BOD1L1: variants seen among roughly 807,000 people sequenced by gnomAD.
BOD1L1 encodes the protein biorientation of chromosomes in cell division protein 1-like 1.
BOD1L1 carries 86 observed loss-of-function variants against 240.7 expected under a neutral mutation model. The ratio of observed to expected loss-of-function variants is 0.36; its 90% confidence interval spans 0.30 to 0.43. BOD1L1 has a LOEUF of 0.43. BOD1L1 is among the 20% of genes least tolerant of loss of function. BOD1L1 has a pLI of 1.00. For synonymous variants in BOD1L1, 1,268 were observed against 1,272.3 expected, an observed-to-expected ratio of 1.00 and a Z score of 0.07; for missense variants, 3,554 against 3,643.5, an observed-to-expected ratio of 0.98 and a Z score of 0.63.
In BOD1L1 at chr4:13,627,554, G is replaced by A. The variant is rs1344334292; in HGVS notation, c.34C>T (p.Pro12Ser). 8.8e-7 allele frequency: 1 copy of A among 1,135,510 alleles called. No homozygotes were observed. Among genetic ancestry groups the A allele is most frequent in the Admixed American group, 5.0e-5 (1 of 20,146 alleles). 70.3% of individuals were successfully genotyped at this position (1,135,510 alleles called of 1,614,324 possible). A position where few individuals can be genotyped will look rare whatever the true frequency, so the allele number is the denominator to read the frequency against. The change falls in exon 1 of 26, where the codon CCG (proline) becomes TCG (serine). Residue 12 changes from proline (P) to serine (S), a missense_variant. This residue lies in a region of BOD1L1 where 161 missense variants were observed against 216.4 expected (regional missense o/e 0.74). Coordinates refer to ENST00000040738, the MANE Select transcript of BOD1L1 (RefSeq NM_148894.3). ...TGCGGCGGGGGAGGCGGCGGCGCCG[G>A]AGGAGGCGGCTGCGGCTGTGGGTTG... The part of the protein sequence containing the change: ...ATNPQPQPPP[P>S]APPPPPPQPQ...
chr4:13,601,053 A>C lies in BOD1L1; in HGVS notation c.5847T>G (p.Ser1949Arg), dbSNP rs1715107863. ...CACTGCTTTCTACAATCCCTTTTGC[A>C]CTGGAGCAGATATCTGTGTCTTTAC... The part of the protein sequence containing the change: ...KGSKDTDICS[S>R]AKGIVESSVT... The change falls in exon 10 of 26, where the codon AGT (serine) becomes AGG (arginine). Residue 1949 changes from serine to arginine, a missense_variant. Ser to Arg is a moderately radical substitution (Grantham distance 110). Around this residue, in one of 2 missense-constraint regions of BOD1L1, gnomAD observed 3,393 missense variants for 3,427.1 expected, o/e 0.99. Coordinates refer to ENST00000040738, the MANE Select transcript of BOD1L1 (RefSeq NM_148894.3). 1 of 1,613,810 alleles carries C rather than the reference A, an allele frequency of 6.2e-7. No individual in the cohort carries two copies. The highest frequency in any genetic ancestry group is 1.3e-5 in the African/African-American group (1 of 74,902).
intron 12 of BOD1L1, among the ~76,000 whole-genome samples, chr4:13,594,152 T>C (rs942453702): frequency 3.9e-5 from 6 of 152,122 alleles, no homozygotes; most frequent in African/African-American, 1.5e-4. Flanking sequence ...TTTTTCAGTT[T>C]TGTGAGCTAA....
chr4:13,571,431 A>G (rs1712197821), intron 25 of BOD1L1, among the ~76,000 whole-genome samples: 1 of 152,254 alleles, frequency 6.6e-6, no homozygotes, highest in African/African-American at 2.4e-5. Flanking sequence ...TGTGTTGACA[A>G]TGACTGAAAA....
At position 13,602,162 on chromosome 4, in the gene BOD1L1, C is replaced by T. The variant is rs776561722; in HGVS notation, c.4738G>A (p.Ala1580Thr). Residue 1580 changes from alanine (A) to threonine (T), a missense_variant, in exon 10 of 26, where the codon GCC becomes ACC. Around this residue, in one of 2 missense-constraint regions of BOD1L1, gnomAD observed 3,393 missense variants for 3,427.1 expected, o/e 0.99. Coordinates refer to ENST00000040738, the MANE Select transcript of BOD1L1 (RefSeq NM_148894.3). ...GCAGCAAAAACAGTGCATTCACTGG[C>T]TTCTGCACCAACATGAAGAGGATTA... is the stretch of plus-strand genomic sequence containing the variant. ...RNNPLHVGAE[A>T]SECTVFAAAE... 2 of 1,613,970 alleles carry T rather than the reference C, an allele frequency of 1.2e-6. No homozygotes were observed. Among genetic ancestry groups the T allele is most frequent in the South Asian group, 2.2e-5 (2 of 91,078 alleles).
intron 25 of BOD1L1, among the ~76,000 whole-genome samples, chr4:13,573,970 C>A (rs989756552): frequency 6.6e-6 from 1 of 152,206 alleles, no homozygotes; most frequent in African/African-American, 2.4e-5. Context: ...AGCCACTGCG[C>A]CCAGCTGCAC....
chr4:13,597,931 G>C (rs973263531), intron 10 of BOD1L1, among the ~76,000 whole-genome samples: 2 of 152,230 alleles, frequency 1.3e-5, no homozygotes, highest in African/African-American at 4.8e-5. Flanking sequence ...GACTGGGTTA[G>C]ATGATGGCTA....
At chr4:13,575,309 A>C (rs1407036203) in intron 25 of BOD1L1, among the ~76,000 whole-genome samples, 1 of 152,172 alleles carries the variant, frequency 6.6e-6, no homozygotes, top group East Asian at 1.9e-4. Context: ...CTTTTTGATC[A>C]ATCTTGAATA....
intron 13 of BOD1L1, 51 bp from the exon 14 acceptor site, chr4:13,590,497 A>T: frequency 1.0e-6 from 1 of 953,148 alleles, no homozygotes; most frequent in Non-Finnish European, 1.5e-6. Flanking sequence ...AAAAATTTAA[A>T]GGCAAAAAGA....
At chr4:13,586,884 A>G (rs1411323291) in intron 16 of BOD1L1, among the ~76,000 whole-genome samples, 1 of 152,214 alleles carries the variant, frequency 6.6e-6, no homozygotes, top group African/African-American at 2.4e-5. Context: ...TAATCTCTTT[A>G]TCTATAAGAT....
intron 1 of BOD1L1, among the ~76,000 whole-genome samples, chr4:13,622,095 C>G (rs1261834076): frequency 6.6e-6 from 1 of 152,086 alleles, no homozygotes; most frequent in Non-Finnish European, 1.5e-5. Context: ...GAACTCCTAA[C>G]CTCAAGTGAT....
intron 15 of BOD1L1, among the ~76,000 whole-genome samples, chr4:13,588,194 A>G (rs1713875525): frequency 6.6e-6 from 1 of 151,802 alleles, no homozygotes; most frequent in African/African-American, 2.4e-5. Context: ...TCAAAAAAAA[A>G]AAAAAAAAGA....
At chr4:13,577,790 T>C in intron 22 of BOD1L1, 159 bp from the exon 23 acceptor site, 1 of 532,024 alleles carries the variant, frequency 1.9e-6, no homozygotes, top group South Asian at 3.0e-5. Flanking sequence ...TCAGAATACC[T>C]AGCAGAGATC....
In BOD1L1 at chr4:13,600,094, G is replaced by C. The variant is rs763530950; in HGVS notation, c.6806C>G (p.Ser2269Cys). Residue 2269 changes from serine (S) to cysteine (C), a missense_variant, in exon 10 of 26, where the codon TCC becomes TGC. Ser to Cys is a moderately radical substitution (Grantham distance 112, BLOSUM62 -1). Transcript: ENST00000040738. ...SSVEDCEGPVSSAVPQEEGDP... is the reference protein window; with the variant it reads ...SSVEDCEGPVCSAVPQEEGDP... Reference sequence around the variant, plus strand: ...GCCTTCCTCTTGAGGGACAGCACTGGACACTGGGCCCTCACAGTCTTCCAC... The same window carrying C: ...GCCTTCCTCTTGAGGGACAGCACTGCACACTGGGCCCTCACAGTCTTCCAC... The C allele has an allele frequency of 6.2e-7, 1 of 1,613,730 alleles. No individual in the cohort carries two copies. The highest frequency in any genetic ancestry group is 1.1e-5 in the South Asian group (1 of 91,026).
chr4:13,626,048 A>C (rs1717359696), intron 1 of BOD1L1: 1 of 152,264 alleles, frequency 6.6e-6, no homozygotes, highest in Non-Finnish European at 1.5e-5. Context: ...ACAACTAAAC[A>C]TACTATGAGA....
chr4:13,587,727 C>A lies in BOD1L1; in HGVS notation c.8325G>T (p.Gln2775His). 1 of 1,560,280 alleles carries A rather than the reference C, an allele frequency of 6.4e-7. No homozygotes were observed. The highest frequency in any genetic ancestry group is 1.2e-5 in the South Asian group (1 of 84,818). ...GTTCATCTTCTGAAGAGAGATAATG[C>A]TGCTTTCTTTTTCTTTTAGGCATAT... ...ERHMPKRKRKQHYLSSEDEPD... is the reference protein window; with the variant it reads ...ERHMPKRKRKHHYLSSEDEPD... The change falls in exon 16 of 26, where the codon CAG becomes CAT. Residue 2775 changes from glutamine (Q) to histidine (H), a missense_variant. Physicochemically the swap from Gln to His is conservative, Grantham distance 24. Transcript: ENST00000040738.
intron 13 of BOD1L1, among the ~76,000 whole-genome samples, chr4:13,590,760 T>G (rs1485542693): frequency 6.6e-6 from 1 of 152,324 alleles, no homozygotes; most frequent in South Asian, 2.1e-4. Context: ...AAATCCTGCA[T>G]GATTTTCTTT....
chr4:13,575,895 CTTTTTTTTTTTT>C (rs35101769), intron 25 of BOD1L1, among the ~76,000 whole-genome samples: 3 of 119,256 alleles, frequency 2.5e-5, no homozygotes, highest in East Asian at 2.5e-4. Flanking sequence ...TTGCCAAACC[CTTTTTTTTTTTT>C]TTTTTTTTTT....
chr4:13,577,161 T>C (rs1712821575), intron 24 of BOD1L1, among the ~76,000 whole-genome samples, 170 bp from the exon 25 acceptor site: 1 of 152,186 alleles, frequency 6.6e-6, no homozygotes, highest in African/African-American at 2.4e-5. Flanking sequence ...TAACTTAATC[T>C]CAAACACATT....
rs1366387054 is a variant in BOD1L1 at position 13,602,101 on chromosome 4, A to T, written c.4799T>A (p.Phe1600Tyr). 1 of 1,614,000 alleles carries T rather than the reference A, an allele frequency of 6.2e-7. No homozygotes were observed. The highest frequency in any genetic ancestry group is 8.5e-7 in the Non-Finnish European group (1 of 1,179,896). ...TGTGAGGAAGGTTTCACTTTCAGCA[A>T]ATCCCTCTGTGACAACAGCCCCACC... is the stretch of plus-strand genomic sequence containing the variant. ...EEGGAVVTEG[F>Y]AESETFLTST... The change falls in exon 10 of 26, where the codon TTT becomes TAT. Residue 1600 changes from phenylalanine (F) to tyrosine (Y), a missense_variant. Coordinates refer to ENST00000040738, the MANE Select transcript of BOD1L1 (RefSeq NM_148894.3).
Sources: allele counts gnomAD v4.1 joint callset (sites outside exome capture counted in the v4.1 genomes callset), GRCh38; gene constraint gnomAD v4.1.1; regional missense constraint gnomAD v4.1.1; transcripts MANE v1.5; gene names NCBI Gene and HGNC (gene_info 2026-07-23, HGNC 2026-07-21).